LPP: variants seen among roughly 807,000 people sequenced by gnomAD.
The protein encoded by LPP is LIM domain containing preferred translocation partner in lipoma.
In LPP, 38 loss-of-function variants were observed where a neutral mutation model predicts 60.4. The observed-to-expected ratio is 0.63, with a 90% CI of 0.49 to 0.83. The LOEUF is 0.83. Among genes scored for constraint, LPP ranks in the 40% least tolerant of loss-of-function variants. The pLI is 0.00. For missense variants in LPP, 902 were observed against 783.6 expected, an observed-to-expected ratio of 1.15 and a Z score of -1.80; for synonymous variants, 328 against 290.8, an observed-to-expected ratio of 1.13 and a Z score of -1.30.
intron 1 of LPP, among the ~76,000 whole-genome samples, chr3:188,168,658 T>C (rs1720712880): frequency 6.6e-6 from 1 of 152,182 alleles, no homozygotes; most frequent in Non-Finnish European, 1.5e-5. Flanking sequence ...TGATGACATA[T>C]TTCCCTATCA....
intron 1 of LPP, among the ~76,000 whole-genome samples, chr3:188,221,331 C>T (rs1030345394): frequency 4.6e-5 from 7 of 152,182 alleles, no homozygotes; most frequent in African/African-American, 1.2e-4. Flanking sequence ...TGCATGTACT[C>T]GTGCTTTTCT....
intron 1 of LPP, among the ~76,000 whole-genome samples, chr3:188,157,731 G>A (rs1362713159): frequency 2.0e-5 from 3 of 152,030 alleles, no homozygotes; most frequent in Non-Finnish European, 4.4e-5. Context: ...TGTATTAAGT[G>A]CTTTTACAGG....
intron 6 of LPP, among the ~76,000 whole-genome samples, chr3:188,599,761 T>TGTGTGTGA (rs1840730665): frequency 6.6e-6 from 1 of 150,422 alleles, no homozygotes. Flanking sequence ...GGTGTGTGTG[T>TGTGTGTGA]GTGTGTGTGT....
intron 3 of LPP, among the ~76,000 whole-genome samples, chr3:188,353,009 C>T (rs930710622): frequency 6.6e-6 from 1 of 152,170 alleles, no homozygotes; most frequent in African/African-American, 2.4e-5. Context: ...ATCATAATGC[C>T]ATGTTCTCAC....
At chr3:188,354,823 A>G (rs908891533) in intron 3 of LPP, among the ~76,000 whole-genome samples, 10 of 58,396 alleles carry the variant, frequency 1.7e-4, no homozygotes, top group South Asian at 1.6e-3. Context: ...GCGTGCGCGC[A>G]CACACACACA....
chr3:188,275,979 G>T (rs1225584930), intron 2 of LPP, among the ~76,000 whole-genome samples: 1 of 152,104 alleles, frequency 6.6e-6, no homozygotes, highest in Non-Finnish European at 1.5e-5. Context: ...CAGCCTCCAG[G>T]AACTTTTCTA....
chr3:188,368,771 A>G (rs1447121447), intron 3 of LPP, among the ~76,000 whole-genome samples: 2 of 150,554 alleles, frequency 1.3e-5, no homozygotes, highest in African/African-American at 4.9e-5. Context: ...CATGATTAGG[A>G]ACATTTTATG....
chr3:188,853,685 G>T (rs2151880220), intron 9 of LPP, among the ~76,000 whole-genome samples: 1 of 152,238 alleles, frequency 6.6e-6, no homozygotes, highest in African/African-American at 2.4e-5. Flanking sequence ...TAGAGCACAG[G>T]CATATAAACT....
At chr3:188,676,966 T>C (rs922976166) in intron 7 of LPP, among the ~76,000 whole-genome samples, 1 of 152,164 alleles carries the variant, frequency 6.6e-6, no homozygotes, top group African/African-American at 2.4e-5. Flanking sequence ...AGCTGCCACC[T>C]GGAGAGGTCC....
At chr3:188,460,143 T>G (rs1357361600) in intron 4 of LPP, among the ~76,000 whole-genome samples, 1 of 152,198 alleles carries the variant, frequency 6.6e-6, no homozygotes, top group Non-Finnish European at 1.5e-5. Context: ...CATCTTTCTA[T>G]TTATCAGTAC....
In LPP at chr3:188,869,734, G is replaced by A. The variant is rs144827561; in HGVS notation, c.1590-2909G>A. ...TCTGTCAAGCTCCCAGGTGCCCATGGCCTGCACTTTGTGTAACAAGGTTCT... is the reference window on the plus strand; with the variant it reads ...TCTGTCAAGCTCCCAGGTGCCCATGACCTGCACTTTGTGTAACAAGGTTCT... On this transcript the variant is annotated intron_variant, in intron 10 of 11. Transcript: ENST00000617246. Among the ~76,000 whole-genome samples, 546 of 152,292 alleles carry A rather than the reference G, an allele frequency of 3.6e-3. 3 individuals are homozygous for A. The highest frequency in any genetic ancestry group is 0.015 in the South Asian group (70 of 4,826).
At chr3:188,435,592 C>G (rs1428862261) in intron 4 of LPP, among the ~76,000 whole-genome samples, 1 of 151,948 alleles carries the variant, frequency 6.6e-6, no homozygotes, top group African/African-American at 2.4e-5. Flanking sequence ...GAATATGTTT[C>G]TTTTTCTTTC....
intron 3 of LPP, among the ~76,000 whole-genome samples, chr3:188,363,205 C>G (rs1194199120): frequency 1.3e-5 from 2 of 152,106 alleles, no homozygotes; most frequent in African/African-American, 4.8e-5. Flanking sequence ...TTTCACCATT[C>G]AAGCTTTGAT....
chr3:188,290,240 T>C (rs1487587884), intron 2 of LPP, among the ~76,000 whole-genome samples: 1 of 152,014 alleles, frequency 6.6e-6, no homozygotes, highest in East Asian at 1.9e-4. Context: ...CCTCCCAAAG[T>C]GCTGGGATTA....
At chr3:188,276,916 T>C (rs1237038346) in intron 2 of LPP, among the ~76,000 whole-genome samples, 3 of 137,904 alleles carry the variant, frequency 2.2e-5, no homozygotes, top group African/African-American at 8.6e-5. Flanking sequence ...TTTTTTTTTT[T>C]TTTGGAGAGA....
rs758259589 is a variant in LPP, at chr3:188,609,322, A to G, written c.591A>G (p.Gly197=). The G allele has an allele frequency of 2.5e-6, 4 of 1,614,024 alleles. No homozygotes were observed. In the East Asian group the frequency reaches 8.9e-5, roughly 36 times the overall value. ...GACCCATCCCTGTGGCTCCAATCGG[A>G]ACACTCAAACCCCAGCCTCAGCCAG... ...QAGPIPVAPI[G]TLKPQPQPVP... Residue 197 remains glycine (G), a synonymous_variant, in exon 7 of 12, where the codon GGA becomes GGG. Transcript: ENST00000617246. The surrounding 1 kb of genome is among the most constrained non-coding windows in gnomAD (Gnocchi z 6.9).
At position 188,879,675 on chromosome 3, in the gene LPP, T is replaced by C. The variant is rs1041225094; in HGVS notation, c.*5196T>C. 2 of 182,708 alleles carry C rather than the reference T, an allele frequency of 1.1e-5. No homozygotes were observed. Among genetic ancestry groups the C allele is most frequent in the Non-Finnish European group, 2.3e-5 (2 of 85,768 alleles). The allele number at this position is 182,708 out of a possible 1,614,324, so 11.3% of individuals were successfully genotyped here. ...CAATGTAACCCCAAAAAATTATAAT[T>C]TTAATGATGGCATTTTATTTTATTC... is the stretch of plus-strand genomic sequence containing the variant. On this transcript the variant is annotated 3_prime_UTR_variant, in exon 12 of 12. Coordinates refer to ENST00000617246, the MANE Select transcript of LPP (RefSeq NM_001375462.1).
intron 4 of LPP, among the ~76,000 whole-genome samples, chr3:188,468,365 G>A (rs1377674050): frequency 6.6e-6 from 1 of 152,126 alleles, no homozygotes; most frequent in African/African-American, 2.4e-5. Flanking sequence ...CCACTGGAAT[G>A]CAAAAGCAGC....
intron 7 of LPP, among the ~76,000 whole-genome samples, chr3:188,634,608 A>G (rs1384680080): frequency 6.6e-6 from 1 of 152,184 alleles, no homozygotes; most frequent in Non-Finnish European, 1.5e-5. Flanking sequence ...GTCAGATTGC[A>G]GCGGTATTGG....
Sources: allele counts gnomAD v4.1 joint callset (sites outside exome capture counted in the v4.1 genomes callset), GRCh38; gene constraint gnomAD v4.1.1; non-coding constraint Gnocchi (gnomAD v3.1); transcripts MANE v1.5; gene names NCBI Gene and HGNC (gene_info 2026-07-23, HGNC 2026-07-21).